MLYCD: variants seen among roughly 807,000 people sequenced by gnomAD.
MLYCD encodes the protein malonyl-CoA decarboxylase, also known as malonyl-CoA decarboxylase, mitochondrial.
A neutral mutation model predicts 35.8 loss-of-function variants in MLYCD; 27 were observed. That is an observed-to-expected ratio of 0.75 (90% CI 0.56 to 1.04). The LOEUF is 1.04. Among genes scored for constraint, MLYCD ranks in the 50% least tolerant of loss-of-function variants. The pLI is 0.00. For synonymous variants in MLYCD, 403 were observed against 302.4 expected (o/e 1.33, Z -3.45); for missense variants, 917 against 665.1 (o/e 1.38, Z -4.17).
intron 1 of MLYCD, 48 bp from the exon 2 acceptor site, chr16:83,906,939 T>C (rs1436815797): frequency 6.7e-7 from 1 of 1,490,778 alleles, no homozygotes; most frequent in Non-Finnish European, 9.4e-7. Context: ...AGAGATGGGC[T>C]TGATCTGTCG....
At chr16:83,908,003 A>T in intron 2 of MLYCD, 123 bp from the exon 3 acceptor site, 1 of 1,251,786 alleles carries the variant, frequency 8.0e-7, no homozygotes. Flanking sequence ...AATTTTCCAG[A>T]AGAGTCCATT....
chr16:83,899,738 G>A (rs1906714903), intron 1 of MLYCD, 66 bp downstream of exon 1: 1 of 1,441,702 alleles, frequency 6.9e-7, no homozygotes, highest in Non-Finnish European at 9.1e-7. Context: ...GTCCTCACTT[G>A]CCCCCTCCAA....
chr16:83,904,690 A>C (rs1030117874), intron 1 of MLYCD, among the ~76,000 whole-genome samples: 2 of 152,254 alleles, frequency 1.3e-5, no homozygotes, highest in African/African-American at 4.8e-5. Flanking sequence ...AAGGAATTGC[A>C]AAGATCTTCT....
chr16:83,913,250 T>C (rs1394442420), intron 4 of MLYCD: 1 of 152,216 alleles, frequency 6.6e-6, no homozygotes, highest in African/African-American at 2.4e-5. Context: ...CGCCGCCATG[T>C]TTCCCCCGGG....
In MLYCD at chr16:83,899,684, C is replaced by T; in HGVS notation, c.528+12C>T. 1 of 1,509,968 alleles carries T rather than the reference C, an allele frequency of 6.6e-7. No homozygotes were observed. Among genetic ancestry groups the T allele is most frequent in the Non-Finnish European group, 8.8e-7 (1 of 1,134,978 alleles). The allele number at this position is 1,509,968 out of a possible 1,614,324, so 93.5% of individuals were successfully genotyped here. ...GGCCGGACGTCCGGGTAAGGGGCCG[C>T]CGTCGATCCCCCGGCAGCGCGGACT... On this transcript the variant is annotated intron_variant, in intron 1 of 4. Coordinates refer to ENST00000262430, the MANE Select transcript of MLYCD (RefSeq NM_012213.3).
rs1907372293 is a variant in MLYCD at position 83,915,996 on chromosome 16, T to G, written c.*507T>G. On this transcript the variant is annotated 3_prime_UTR_variant, in exon 5 of 5. Coordinates refer to ENST00000262430, the MANE Select transcript of MLYCD (RefSeq NM_012213.3). ...GCTGTGCTACACTTCCCAGTTACATTCTGAAGCTCATAAATGTATGAGAAG... is the reference window on the plus strand; with the variant it reads ...GCTGTGCTACACTTCCCAGTTACATGCTGAAGCTCATAAATGTATGAGAAG... 2.0e-6 allele frequency: 2 copies of G among 1,010,014 alleles called. No individual in the cohort carries two copies. Among genetic ancestry groups the G allele is most frequent in the Non-Finnish European group, 1.2e-6 (1 of 843,010 alleles). 62.6% of individuals were successfully genotyped at this position (1,010,014 alleles called of 1,614,324 possible).
chr16:83,899,795 C>T, intron 1 of MLYCD, 123 bp downstream of exon 1: 1 of 1,205,026 alleles, frequency 8.3e-7, no homozygotes. Flanking sequence ...CTCACTTCGC[C>T]CGCAGTTACC....
At chr16:83,907,715 C>G (rs1907031059) in intron 2 of MLYCD, among the ~76,000 whole-genome samples, 1 of 152,112 alleles carries the variant, frequency 6.6e-6, no homozygotes, top group Admixed American at 6.5e-5. Flanking sequence ...ATGCTGAAAA[C>G]AAAATAGCGG....
At chr16:83,900,815 C>T (rs181057494) in intron 1 of MLYCD, among the ~76,000 whole-genome samples, 8 of 152,248 alleles carry the variant, frequency 5.3e-5, no homozygotes, top group Admixed American at 5.2e-4. Context: ...TTCAGTCTTA[C>T]GTGGGTGATA....
intron 1 of MLYCD, among the ~76,000 whole-genome samples, chr16:83,904,262 A>G (rs1461140511): frequency 6.6e-6 from 1 of 152,158 alleles, no homozygotes; most frequent in Non-Finnish European, 1.5e-5. Context: ...AAACTGGGGT[A>G]CAGAAGCCCT....
In MLYCD at chr16:83,899,240, G is replaced by A; in HGVS notation, c.96G>A (p.Ala32=). Residue 32 remains alanine (A), a synonymous_variant, in exon 1 of 5, where the codon GCG becomes GCA. Coordinates refer to ENST00000262430, the MANE Select transcript of MLYCD (RefSeq NM_012213.3). ...PPGPRLASGQ[A]AGALERAMDE... Reference sequence around the variant, plus strand: ...GGCCCCGGCTGGCGAGCGGGCAGGCGGCCGGCGCCCTGGAGCGGGCCATGG... The same window carrying A: ...GGCCCCGGCTGGCGAGCGGGCAGGCAGCCGGCGCCCTGGAGCGGGCCATGG... The A allele has an allele frequency of 3.2e-6, 4 of 1,263,562 alleles. No homozygotes were observed. Among genetic ancestry groups the A allele is most frequent in the Non-Finnish European group, 4.0e-6 (4 of 1,009,842 alleles). The allele number at this position is 1,263,562 out of a possible 1,614,324, so 78.3% of individuals were successfully genotyped here.
chr16:83,901,185 G>C (rs1906773178), intron 1 of MLYCD, among the ~76,000 whole-genome samples: 1 of 152,178 alleles, frequency 6.6e-6, no homozygotes, highest in Non-Finnish European at 1.5e-5. Context: ...GCATGACACA[G>C]AATCAGTCAT....
intron 3 of MLYCD, 78 bp from the exon 4 acceptor site, chr16:83,912,140 C>G: frequency 3.1e-6 from 5 of 1,593,914 alleles, no homozygotes; most frequent in Non-Finnish European, 1.7e-6. Context: ...GAATTGTCTT[C>G]TCGTCCCAGC....
At position 83,909,470 on chromosome 16, in the gene MLYCD, G is replaced by A. The variant is rs545121184; in HGVS notation, c.798+1188G>A. 1.2e-4 allele frequency among the ~76,000 whole-genome samples: 18 copies of A among 152,306 alleles called. No individual in the cohort carries two copies. In the South Asian group the frequency reaches 2.9e-3, roughly 25 times the overall value. ...AGCCTTGACTTACTCTTGAGTAGAAGTTCAGGTTTATAGAGTAGCATGGGT... is the reference window on the plus strand; with the variant it reads ...AGCCTTGACTTACTCTTGAGTAGAAATTCAGGTTTATAGAGTAGCATGGGT... On this transcript the variant is annotated intron_variant, in intron 3 of 4. Transcript: ENST00000262430.
At chr16:83,903,235 T>A (rs1023419438) in intron 1 of MLYCD, among the ~76,000 whole-genome samples, 1 of 152,206 alleles carries the variant, frequency 6.6e-6, no homozygotes, top group African/African-American at 2.4e-5. Context: ...AGAAGGGACC[T>A]GGTTCCCACT....
chr16:83,915,624 A>G lies in MLYCD; in HGVS notation c.*135A>G, dbSNP rs571831745. ...TGTGTTCTTGTCCCGCAGCCGGTCC[A>G]CACTGTGAGGCCAGGCCTCAACTTC... On this transcript the variant is annotated 3_prime_UTR_variant, in exon 5 of 5. Coordinates refer to ENST00000262430, the MANE Select transcript of MLYCD (RefSeq NM_012213.3). The G allele has an allele frequency of 2.2e-4, 335 of 1,526,508 alleles. 2 individuals carry two copies. In the East Asian group the frequency reaches 7.7e-3, roughly 35 times the overall value. The allele number at this position is 1,526,508 out of a possible 1,614,324, so 94.6% of individuals were successfully genotyped here. A position where few individuals can be genotyped will look rare whatever the true frequency, so the allele number is the denominator to read the frequency against.
In MLYCD at chr16:83,915,379, C is replaced by G. The variant is rs573991050; in HGVS notation, c.1372C>G (p.Leu458Val). 1.2e-6 allele frequency: 2 copies of G among 1,613,792 alleles called. No homozygotes were observed. Among genetic ancestry groups the G allele is most frequent in the Non-Finnish European group, 1.7e-6 (2 of 1,180,052 alleles). The change falls in exon 5 of 5, where the codon CTG (leucine) becomes GTG (valine). Residue 458 changes from leucine to valine, a missense_variant. Transcript: ENST00000262430. ...CGLMANYRYF[L>V]EETGPNSTSY... Reference sequence around the variant, plus strand: ...CCTGATGGCCAACTACCGCTACTTCCTGGAGGAGACGGGCCCCAACAGCAC... The same window carrying G: ...CCTGATGGCCAACTACCGCTACTTCGTGGAGGAGACGGGCCCCAACAGCAC...
At chr16:83,904,415 C>T (rs1285683004) in intron 1 of MLYCD, among the ~76,000 whole-genome samples, 1 of 151,956 alleles carries the variant, frequency 6.6e-6, no homozygotes, top group Non-Finnish European at 1.5e-5. Flanking sequence ...TGAGAGGATC[C>T]CAGGAAGATT....
At chr16:83,901,115 C>T (rs1906769361) in intron 1 of MLYCD, among the ~76,000 whole-genome samples, 1 of 152,192 alleles carries the variant, frequency 6.6e-6, no homozygotes, top group South Asian at 2.1e-4. Flanking sequence ...CTAAGTGTTA[C>T]TGAGGGCCAG....
Sources: allele counts gnomAD v4.1 joint callset (sites outside exome capture counted in the v4.1 genomes callset), GRCh38; gene constraint gnomAD v4.1.1; transcripts MANE v1.5; gene names NCBI Gene and HGNC (gene_info 2026-07-23, HGNC 2026-07-21).